The following SPECC1L variants were observed in gnomAD, a reference collection of about 807,000 sequenced individuals.
The protein encoded by SPECC1L is sperm antigen with calponin homology and coiled-coil domains 1 like.
Under a neutral mutation model 116.8 loss-of-function variants are expected in SPECC1L, and 40 were observed. That is an observed-to-expected ratio of 0.34 (90% CI 0.27 to 0.45). The LOEUF (loss-of-function observed/expected upper bound fraction) is 0.45. SPECC1L is among the 20% of genes least tolerant of loss of function. The pLI, the probability that SPECC1L is intolerant of heterozygous loss-of-function variation, is 1.00. For synonymous variants in SPECC1L, 504 were observed against 500.6 expected (o/e 1.01, Z -0.09); for missense variants, 1,110 against 1,373.6 (o/e 0.81, Z 3.03).
intron 10 of SPECC1L, among the ~76,000 whole-genome samples, chr22:24,344,323 A>G (rs766729892): frequency 1.1e-3 from 169 of 150,528 alleles, no homozygotes; most frequent in Non-Finnish European, 2.1e-3. Flanking sequence ...CCTCAACACA[A>G]TAAAAGAGGG....
intron 2 of SPECC1L, among the ~76,000 whole-genome samples, chr22:24,285,292 C>G (rs1284667741): frequency 6.6e-6 from 1 of 152,168 alleles, no homozygotes; most frequent in African/African-American, 2.4e-5. Flanking sequence ...GAGATGGATG[C>G]TTACTGTAAT....
At chr22:24,406,741 CAT>C (rs752518042) in intron 14 of SPECC1L, among the ~76,000 whole-genome samples, 15 of 152,214 alleles carry the variant, frequency 9.9e-5, no homozygotes, top group Non-Finnish European at 1.5e-4. Flanking sequence ...CTGATCCCGT[CAT>C]AATATTAACG....
At chr22:24,403,950 C>CT (rs1477516579) in intron 14 of SPECC1L, among the ~76,000 whole-genome samples, 1 of 152,162 alleles carries the variant, frequency 6.6e-6, no homozygotes, top group Non-Finnish European at 1.5e-5. Flanking sequence ...GACTCCCTCC[C>CT]TTTTTTAAAA....
At chr22:24,338,196 C>T (rs183185632) in intron 9 of SPECC1L, among the ~76,000 whole-genome samples, 190 bp from the exon 10 acceptor site, 1 of 152,252 alleles carries the variant, frequency 6.6e-6, no homozygotes, top group Admixed American at 6.5e-5. Context: ...AAATAATTCA[C>T]CTGATGGGAG....
At chr22:24,355,193 G>T (rs527759291) in intron 11 of SPECC1L, among the ~76,000 whole-genome samples, 1 of 141,998 alleles carries the variant, frequency 7.0e-6, no homozygotes, top group South Asian at 2.3e-4. Flanking sequence ...TGAGGCATGA[G>T]AATTACTTGA....
chr22:24,363,299 T>C lies in SPECC1L; in HGVS notation c.2782T>C (p.Ser928Pro). 1 of 1,614,174 alleles carries C rather than the reference T, an allele frequency of 6.2e-7. No homozygotes were observed. ...LRTSSASRPA[S>P]LPRVPAMESA... is the part of the protein sequence containing the mutation. ...AACATCTTCAGCCAGCCGGCCTGCTTCCCTGCCAAGAGTGCCTGCGATGGA... is the reference window on the plus strand; with the variant it reads ...AACATCTTCAGCCAGCCGGCCTGCTCCCCTGCCAAGAGTGCCTGCGATGGA... Residue 928 changes from serine (S) to proline (P), a missense_variant, in exon 12 of 17, where the codon TCC becomes CCC. Coordinates refer to ENST00000314328, the MANE Select transcript of SPECC1L (RefSeq NM_015330.6).
At position 24,302,215 on chromosome 22, in the gene SPECC1L, C is replaced by A; in HGVS notation, c.-17C>A. ...CACAGATTTGCTTGTAAATGCATCA[C>A]GAAGAGGCAGCCCAGAATGAAGAAA... On this transcript the variant is annotated 5_prime_UTR_variant, in exon 3 of 17. Transcript: ENST00000314328. 1 of 1,613,816 alleles carries A rather than the reference C, an allele frequency of 6.2e-7. No individual in the cohort carries two copies. The highest frequency in any genetic ancestry group is 8.5e-7 in the Non-Finnish European group (1 of 1,179,900).
intron 10 of SPECC1L, among the ~76,000 whole-genome samples, chr22:24,342,672 CAAAAAAAA>C (rs35947804): frequency 3.9e-5 from 4 of 102,186 alleles, no homozygotes; most frequent in South Asian, 3.2e-4. Context: ...GACTCCATCT[CAAAAAAAA>C]AAAAAAAAAA....
intron 2 of SPECC1L, among the ~76,000 whole-genome samples, chr22:24,277,175 C>G (rs1021677388): frequency 9.9e-5 from 15 of 152,180 alleles, no homozygotes; most frequent in Admixed American, 9.8e-4. Flanking sequence ...TCGTCTTGCT[C>G]CATCTCCCAA....
intron 2 of SPECC1L, among the ~76,000 whole-genome samples, chr22:24,288,826 A>G (rs1028889579): frequency 3.3e-5 from 5 of 151,814 alleles, no homozygotes; most frequent in African/African-American, 1.2e-4. Context: ...GGTTTTCACC[A>G]TGTTGGTCAG....
chr22:24,399,426 T>C (rs974248027), intron 14 of SPECC1L, among the ~76,000 whole-genome samples: 2 of 151,992 alleles, frequency 1.3e-5, no homozygotes, highest in Non-Finnish European at 2.9e-5. Context: ...AAAAATTAGC[T>C]GGGCGTGGTG....
intron 4 of SPECC1L, among the ~76,000 whole-genome samples, chr22:24,317,908 C>T (rs1188844924): frequency 1.8e-4 from 28 of 151,550 alleles, no homozygotes; most frequent in African/African-American, 6.3e-4. Flanking sequence ...AGGCGCTCCC[C>T]ACATCTCAGA....
intron 2 of SPECC1L, among the ~76,000 whole-genome samples, chr22:24,292,868 G>A (rs1056790120): frequency 6.6e-6 from 1 of 152,212 alleles, no homozygotes; most frequent in African/African-American, 2.4e-5. Context: ...TCAAGTCAAA[G>A]TCAGAATTTA....
intron 14 of SPECC1L, among the ~76,000 whole-genome samples, chr22:24,391,013 T>C (rs888982368): frequency 3.1e-4 from 47 of 151,360 alleles, no homozygotes; most frequent in African/African-American, 1.1e-3. Flanking sequence ...GTAGCTGGGA[T>C]TACAGGCGCA....
chr22:24,414,207 C>A (rs1181112473), intron 16 of SPECC1L, among the ~76,000 whole-genome samples: 1 of 152,134 alleles, frequency 6.6e-6, no homozygotes, highest in Admixed American at 6.5e-5. Flanking sequence ...AAGGGTCCCC[C>A]AAGGAGTGGT....
chr22:24,355,511 T>C (rs2041515269), intron 11 of SPECC1L, among the ~76,000 whole-genome samples: 2 of 152,084 alleles, frequency 1.3e-5, no homozygotes, highest in Admixed American at 6.6e-5. Context: ...TGTCTGTCTG[T>C]CTGCCTGTCT....
chr22:24,347,812 A>T (rs1254597055), intron 11 of SPECC1L, among the ~76,000 whole-genome samples: 1 of 152,112 alleles, frequency 6.6e-6, no homozygotes, highest in African/African-American at 2.4e-5. Context: ...AATAGCTGGG[A>T]CTACAGGCGC....
chr22:24,396,715 C>T (rs1016490346), intron 14 of SPECC1L, among the ~76,000 whole-genome samples: 1 of 152,206 alleles, frequency 6.6e-6, no homozygotes, highest in Non-Finnish European at 1.5e-5. Flanking sequence ...TAAAAACACT[C>T]ATTTACTGTA....
rs760716265 is a variant in SPECC1L at position 24,302,175 on chromosome 22, A to G, written c.-37-20A>G. On this transcript the variant is annotated intron_variant, in intron 2 of 16. Coordinates refer to ENST00000314328, the MANE Select transcript of SPECC1L (RefSeq NM_015330.6). ...TCCTTCCAGTTATGTTCTCAGTGTA[A>G]TGCCATTTTTTTCCCACAGATTTGC... 3.6e-5 allele frequency: 57 copies of G among 1,586,132 alleles called. 2 individuals carry two copies. Among genetic ancestry groups the G allele is most frequent in the Non-Finnish European group, 1.9e-5 (22 of 1,157,406 alleles).
Sources: allele counts gnomAD v4.1 joint callset (sites outside exome capture counted in the v4.1 genomes callset), GRCh38; gene constraint gnomAD v4.1.1; transcripts MANE v1.5; gene names NCBI Gene and HGNC (gene_info 2026-07-23, HGNC 2026-07-21).